The following MLPH variants were observed in gnomAD, a reference collection of about 807,000 sequenced individuals.
MLPH encodes melanophilin.
MLPH carries 51 observed loss-of-function variants against 72.1 expected under a neutral mutation model. The ratio of observed to expected loss-of-function variants is 0.71; its 90% CI spans 0.56 to 0.89. The LOEUF (loss-of-function observed/expected upper bound fraction) is 0.89, where lower values mean the gene tolerates loss of function less well. Among genes scored for constraint, MLPH ranks in the 40% least tolerant of loss-of-function variants. MLPH has a pLI of 0.00. For missense variants in MLPH, 743 were observed against 759.9 expected, an observed-to-expected ratio of 0.98 and a Z score of 0.26; for synonymous variants, 301 against 310.1, an observed-to-expected ratio of 0.97 and a Z score of 0.31.
chr2:237,502,783 T>C (rs2079678945), intron 2 of MLPH, among the ~76,000 whole-genome samples: 3 of 152,162 alleles, frequency 2.0e-5, no homozygotes, highest in African/African-American at 7.2e-5. Context: ...GTGAAGGGTC[T>C]CCTAGTATGA....
chr2:237,553,529 G>A, intron 15 of MLPH, 37 bp from the exon 16 acceptor site: 1 of 1,604,326 alleles, frequency 6.2e-7, no homozygotes, highest in Non-Finnish European at 8.5e-7. Context: ...CTGTGTATGT[G>A]TGTGCTTATA....
chr2:237,534,421 T>C, intron 8 of MLPH, 143 bp from the exon 9 acceptor site: 1 of 738,302 alleles, frequency 1.4e-6, no homozygotes, highest in East Asian at 2.6e-5. Flanking sequence ...ACAATTAACC[T>C]TCCCAGGCCA....
At chr2:237,501,026 T>G (rs1229667649) in intron 2 of MLPH, among the ~76,000 whole-genome samples, 1 of 151,968 alleles carries the variant, frequency 6.6e-6, no homozygotes, top group Admixed American at 6.6e-5. Context: ...CCACAGAGCT[T>G]CCATCACATT....
chr2:237,501,537 T>C (rs774443882), intron 2 of MLPH, among the ~76,000 whole-genome samples: 17 of 151,838 alleles, frequency 1.1e-4, no homozygotes, highest in Non-Finnish European at 2.2e-4. Context: ...CTAAAATAAT[T>C]CACTCTAGGC....
intron 9 of MLPH, among the ~76,000 whole-genome samples, chr2:237,535,923 C>A (rs750217457): frequency 6.6e-6 from 1 of 152,222 alleles, no homozygotes; most frequent in Non-Finnish European, 1.5e-5. Flanking sequence ...TGGCACCACT[C>A]GGTCTTTCCC....
At chr2:237,551,736 A>G (rs903042360) in intron 14 of MLPH, among the ~76,000 whole-genome samples, 5 of 152,052 alleles carry the variant, frequency 3.3e-5, no homozygotes, top group Non-Finnish European at 7.4e-5. Flanking sequence ...CCAGCATTTC[A>G]GGAGGCCAAG....
intron 8 of MLPH, among the ~76,000 whole-genome samples, chr2:237,533,294 T>TA (rs1362777817): frequency 2.6e-5 from 4 of 152,090 alleles, no homozygotes; most frequent in Non-Finnish European, 5.9e-5. Context: ...AGAGGCTTTT[T>TA]AGCCATTTTA....
intron 12 of MLPH, 58 bp downstream of exon 12, chr2:237,542,717 GGCGGACA>G: frequency 3.2e-6 from 4 of 1,265,666 alleles, no homozygotes; most frequent in South Asian, 2.6e-5. Context: ...AGTGGTGAGT[GGCGGACA>G]GTGGTGAGTG....
At chr2:237,542,445 GA>G in intron 11 of MLPH, 121 bp from the exon 12 acceptor site, 1 of 793,762 alleles carries the variant, frequency 1.3e-6, no homozygotes. Flanking sequence ...AATCTTAAGG[GA>G]AAACACAAGT....
intron 5 of MLPH, among the ~76,000 whole-genome samples, chr2:237,518,852 A>G (rs2080110980): frequency 6.6e-6 from 1 of 152,172 alleles, no homozygotes; most frequent in Non-Finnish European, 1.5e-5. Context: ...CAGTGCTTCC[A>G]CCATCAGAAA....
chr2:237,490,814 G>A (rs1335973817), intron 1 of MLPH, among the ~76,000 whole-genome samples: 1 of 152,214 alleles, frequency 6.6e-6, no homozygotes, highest in Non-Finnish European at 1.5e-5. Context: ...TCGGTAGTAA[G>A]TCCATTTCTT....
chr2:237,524,746 G>A (rs1199109807), intron 6 of MLPH, among the ~76,000 whole-genome samples: 1 of 151,662 alleles, frequency 6.6e-6, no homozygotes, highest in Non-Finnish European at 1.5e-5. Context: ...GGCAGTGAAG[G>A]TAACTATGGG....
chr2:237,530,511 G>A (rs2106351297), intron 8 of MLPH, among the ~76,000 whole-genome samples: 1 of 152,282 alleles, frequency 6.6e-6, no homozygotes, highest in South Asian at 2.1e-4. Context: ...GCATCTCTCT[G>A]GACTCAGTGT....
intron 7 of MLPH, among the ~76,000 whole-genome samples, chr2:237,526,845 T>C (rs1206596369): frequency 6.6e-6 from 1 of 152,198 alleles, no homozygotes; most frequent in East Asian, 1.9e-4. Context: ...TAATGCAACA[T>C]CCAATCTGCA....
At chr2:237,553,017 G>C (rs2081069230) in intron 15 of MLPH, 1 of 450,750 alleles carries the variant, frequency 2.2e-6, no homozygotes, top group African/African-American at 2.0e-5. Context: ...CAGTGGCTCA[G>C]GAGCCTGGTT....
chr2:237,510,656 G>T lies in MLPH; in HGVS notation c.193G>T (p.Ala65Ser). The T allele has an allele frequency of 6.2e-7, 1 of 1,613,774 alleles. No individual in the cohort carries two copies. The highest frequency in any genetic ancestry group is 8.5e-7 in the Non-Finnish European group (1 of 1,180,020). Reference protein sequence around the residue: ...DTAHLNETHCARCLQPYQLLV... With the variant: ...DTAHLNETHCSRCLQPYQLLV... ...TGCCCATCTGAACGAGACCCACTGC[G>T]CCCGCTGCCTGCAGCCCTACCAGCT... Residue 65 changes from alanine to serine, a missense_variant, in exon 3 of 16, where the codon GCC becomes TCC. Ala to Ser is a moderately conservative substitution (Grantham distance 99). Transcript: ENST00000264605. The surrounding 1 kb of genome is among the most constrained non-coding windows in gnomAD (Gnocchi z 4.4).
At chr2:237,509,654 T>C (rs1484745512) in intron 2 of MLPH, among the ~76,000 whole-genome samples, 1 of 152,198 alleles carries the variant, frequency 6.6e-6, no homozygotes, top group Non-Finnish European at 1.5e-5. Context: ...TTTGAAGCTA[T>C]GACAAGAGCC....
At chr2:237,532,201 G>C (rs541791683) in intron 8 of MLPH, among the ~76,000 whole-genome samples, 38 of 152,320 alleles carry the variant, frequency 2.5e-4, no homozygotes, top group African/African-American at 7.7e-4. Flanking sequence ...TCAACCCCAA[G>C]ACTCCCAGCC....
Position 237,512,152 on chromosome 2 carries a change from T to C in MLPH, c.445+1051T>C, listed in dbSNP as rs963645689. Among the ~76,000 whole-genome samples the C allele has an allele frequency of 2.0e-5, 3 of 152,322 alleles. No individual in the cohort carries two copies. Among genetic ancestry groups the C allele is most frequent in the East Asian group, 3.9e-4 (2 of 5,188 alleles). ...CCAGGGCAGAGGCTGTGCTTCTGGA[T>C]TGGGGCGTCCTCACCATGCCCCAGC... On this transcript the variant is annotated intron_variant, in intron 4 of 15. Transcript: ENST00000264605. This position sits in a 1 kb window ranked among gnomAD's most constrained non-coding sequence, Gnocchi z 5.5.
Sources: gnomAD v4.1 joint callset for allele counts (sites outside exome capture counted in the v4.1 genomes callset) on GRCh38, gnomAD v4.1.1 for gene constraint, Gnocchi (gnomAD v3.1) non-coding constraint, MANE v1.5 for transcripts, NCBI Gene and HGNC (gene_info 2026-07-23, HGNC 2026-07-21) for gene names.